Variants in DAB1 observed in about 807,000 individuals in gnomAD.
DAB1 encodes disabled homolog 1.
In DAB1, 15 loss-of-function variants were observed where a neutral mutation model predicts 64.6. The ratio of observed to expected loss-of-function variants is 0.23; its 90% CI spans 0.16 to 0.36. DAB1 has a LOEUF of 0.36. Ranked by LOEUF, DAB1 falls within the 10% of genes least tolerant of loss-of-function variation. The pLI, the probability that DAB1 is intolerant of heterozygous loss-of-function variation, is 1.00. For synonymous variants in DAB1, 235 were observed against 251.9 expected (o/e 0.93, Z 0.64); for missense variants, 596 against 706.7 (o/e 0.84, Z 1.78).
intron 6 of DAB1, among the ~76,000 whole-genome samples, chr1:57,784,368 G>GTTATAT (rs1650245335): frequency 6.6e-6 from 1 of 152,096 alleles, no homozygotes; most frequent in Admixed American, 6.5e-5. Flanking sequence ...CACTTAGGCT[G>GTTATAT]GGTGTTGAAG....
intron 2 of DAB1, among the ~76,000 whole-genome samples, chr1:57,249,829 C>A (rs1242022652): frequency 6.6e-6 from 1 of 152,248 alleles, no homozygotes; most frequent in Non-Finnish European, 1.5e-5. Flanking sequence ...TCCATGCAGA[C>A]TTCTGCCCAG....
rs545447979 is a variant in DAB1, at chr1:58,397,212, G to C, written n.258-53809C>G. ...TCCCTCAAGGTCTAAGAGCTGAGAA[G>C]ATTCACAGAAGAACCTGTGATCAGC... is the stretch of plus-strand genomic sequence containing the variant. On this transcript the variant is annotated intron_variant and non_coding_transcript_variant, in intron 3 of 20. Transcript: ENST00000485760. 5.0e-4 allele frequency among the ~76,000 whole-genome samples: 76 copies of C among 152,338 alleles called. 1 individual carries two copies. The highest frequency in any genetic ancestry group is 7.4e-5 in the Non-Finnish European group (5 of 68,024).
intron 1 of DAB1, among the ~76,000 whole-genome samples, chr1:57,396,961 A>G (rs371569305): frequency 1.3e-5 from 2 of 152,234 alleles, no homozygotes; most frequent in East Asian, 1.9e-4. Context: ...TGTTTTCAGA[A>G]GCATAAGGCA....
chr1:57,178,574 T>C (rs1321630622), intron 2 of DAB1, among the ~76,000 whole-genome samples: 1 of 152,150 alleles, frequency 6.6e-6, no homozygotes, highest in East Asian at 1.9e-4. Flanking sequence ...GATAAAACTA[T>C]AGAGAAAAGC....
intron 1 of DAB1, chr1:58,539,193 G>T: frequency 1.1e-6 from 1 of 872,910 alleles, no homozygotes; most frequent in South Asian, 1.3e-5. Flanking sequence ...AGCCCCGTGA[G>T]GTGGATGCTA....
chr1:57,365,800 A>T (rs1333056751), intron 1 of DAB1, among the ~76,000 whole-genome samples: 1 of 152,234 alleles, frequency 6.6e-6, no homozygotes, highest in Non-Finnish European at 1.5e-5. Flanking sequence ...TTGCACAGAC[A>T]TTTATACGGG....
rs529925933 is a variant in DAB1, at chr1:58,177,315, C to A, written n.310-26727G>T. Among the ~76,000 whole-genome samples the A allele has an allele frequency of 7.3e-4, 111 of 152,136 alleles. 1 individual carries two copies. The highest frequency in any genetic ancestry group is 1.2e-3 in the Non-Finnish European group (81 of 68,010). On this transcript the variant is annotated intron_variant and non_coding_transcript_variant, in intron 4 of 20. Coordinates refer to the DAB1 transcript ENST00000485760. ...TGTGTGTCCAGTGCCAGGCACAATA[C>A]CTGACATATAGAAGAAACTCTCATA...
intron 4 of DAB1, among the ~76,000 whole-genome samples, chr1:58,267,017 C>T (rs1010014101): frequency 1.4e-4 from 21 of 152,096 alleles, no homozygotes; most frequent in South Asian, 8.3e-4. Flanking sequence ...GTCAGGAGTT[C>T]GAGAACAGCC....
intron 6 of DAB1, among the ~76,000 whole-genome samples, chr1:57,737,033 G>A (rs948363400): frequency 2.0e-5 from 3 of 152,156 alleles, no homozygotes; most frequent in East Asian, 1.9e-4. Flanking sequence ...AATGGGAGGC[G>A]GGTTTTCCGA....
intron 5 of DAB1, among the ~76,000 whole-genome samples, chr1:57,951,850 C>T (rs964624269): frequency 1.3e-5 from 2 of 152,228 alleles, no homozygotes; most frequent in Middle Eastern, 3.4e-3. Context: ...ACATTAAACC[C>T]AGTCCTCTTA....
chr1:58,368,680 C>T (rs1422503541), intron 3 of DAB1, among the ~76,000 whole-genome samples: 3 of 152,280 alleles, frequency 2.0e-5, no homozygotes, highest in African/African-American at 4.8e-5. Flanking sequence ...CTGTAGCATA[C>T]GGTGTCAGCA....
intron 7 of DAB1, among the ~76,000 whole-genome samples, chr1:57,530,434 G>A (rs182418796): frequency 3.9e-5 from 6 of 152,098 alleles, no homozygotes; most frequent in East Asian, 1.9e-4. Context: ...TGCCATCTGC[G>A]TGTTTAAGGA....
At chr1:58,374,126 G>C (rs150029560) in intron 3 of DAB1, among the ~76,000 whole-genome samples, 16,292 of 79,364 alleles carry the variant, frequency 0.21, 2,796 homozygotes, top group Admixed American at 0.35. Context: ...CCGTGTTGTA[G>C]GTTGCCTGTT....
intron 4 of DAB1, among the ~76,000 whole-genome samples, chr1:57,114,593 G>A (rs1655947497): frequency 6.6e-6 from 1 of 152,212 alleles, no homozygotes; most frequent in African/African-American, 2.4e-5. Context: ...GCATCGATTA[G>A]CACTTCAGTA....
intron 3 of DAB1, among the ~76,000 whole-genome samples, chr1:58,494,519 A>T (rs1249824871): frequency 6.8e-5 from 10 of 146,828 alleles, no homozygotes; most frequent in African/African-American, 1.3e-4. Flanking sequence ...AATCTACTCA[A>T]CTGACAAAGG....
chr1:58,283,930 C>A (rs490671), intron 4 of DAB1, among the ~76,000 whole-genome samples: 1 of 152,172 alleles, frequency 6.6e-6, no homozygotes, highest in Non-Finnish European at 1.5e-5. Context: ...GCTCAGTGTA[C>A]GTGTTTAATA....
chr1:57,053,976 C>T (rs1405617244), intron 9 of DAB1, among the ~76,000 whole-genome samples: 4 of 151,948 alleles, frequency 2.6e-5, no homozygotes, highest in East Asian at 1.9e-4. Flanking sequence ...CATGAGCCAC[C>T]GCGCCCGGCC....
intron 7 of DAB1, among the ~76,000 whole-genome samples, chr1:57,587,351 GT>G (rs971174834): frequency 4.6e-5 from 7 of 152,222 alleles, no homozygotes; most frequent in African/African-American, 1.4e-4. Context: ...CACCTAGAGG[GT>G]TTTCAAAGCT....
chr1:57,056,935 A>G (rs1369537286), intron 9 of DAB1, among the ~76,000 whole-genome samples: 1 of 152,198 alleles, frequency 6.6e-6, no homozygotes, highest in Non-Finnish European at 1.5e-5. Context: ...AGGAAAGCTG[A>G]AGACAGAAAA....
Sources: allele counts gnomAD v4.1 joint callset (sites outside exome capture counted in the v4.1 genomes callset), GRCh38; gene constraint gnomAD v4.1.1; transcripts MANE v1.5; gene names NCBI Gene and HGNC (gene_info 2026-07-23, HGNC 2026-07-21).